The following EXOC6B variants were observed in gnomAD, a reference collection of about 807,000 sequenced individuals.
EXOC6B encodes the protein SEC15 homolog B.
A neutral mutation model predicts 113.5 loss-of-function variants in EXOC6B; 54 were observed. The observed-to-expected ratio is 0.48, with a 90% CI of 0.38 to 0.60. The LOEUF (loss-of-function observed/expected upper bound fraction) is 0.60. Among genes scored for constraint, EXOC6B ranks in the 20% least tolerant of loss-of-function variants. The pLI, the probability that EXOC6B is intolerant of heterozygous loss-of-function variation, is 0.00. For missense variants in EXOC6B, 797 were observed against 977.5 expected (o/e 0.82, Z 2.46); for synonymous variants, 357 against 339.0 (o/e 1.05, Z -0.58).
chr2:72,250,254 T>C (rs1573089161), intron 20 of EXOC6B, among the ~76,000 whole-genome samples: 1 of 152,298 alleles, frequency 6.6e-6, no homozygotes, highest in East Asian at 1.9e-4. Flanking sequence ...TATTGCTTGG[T>C]TGGAGCCTCT....
intron 6 of EXOC6B, among the ~76,000 whole-genome samples, chr2:72,608,174 A>T (rs969263438): frequency 2.0e-5 from 3 of 152,132 alleles, no homozygotes; most frequent in African/African-American, 4.8e-5. Flanking sequence ...ATGAGAATGG[A>T]GCATTAATAT....
At chr2:72,506,082 T>C (rs1361561807) in intron 11 of EXOC6B, among the ~76,000 whole-genome samples, 1 of 152,132 alleles carries the variant, frequency 6.6e-6, no homozygotes, top group Non-Finnish European at 1.5e-5. Context: ...GATCTATATT[T>C]ATGCATTTAC....
intron 20 of EXOC6B, among the ~76,000 whole-genome samples, chr2:72,283,788 G>A (rs1049872200): frequency 2.6e-5 from 4 of 152,156 alleles, no homozygotes; most frequent in African/African-American, 7.2e-5. Flanking sequence ...AACTGACCTG[G>A]GGGAGGGGAA....
chr2:72,659,887 A>T (rs1674881446), intron 6 of EXOC6B, among the ~76,000 whole-genome samples: 1 of 152,146 alleles, frequency 6.6e-6, no homozygotes, highest in East Asian at 1.9e-4. Context: ...TTTGTTGTGC[A>T]TATGCCAATG....
intron 20 of EXOC6B, among the ~76,000 whole-genome samples, chr2:72,250,554 G>A (rs1459120321): frequency 6.6e-6 from 1 of 151,780 alleles, no homozygotes; most frequent in Admixed American, 6.6e-5. Flanking sequence ...ATGTTGCCCA[G>A]GCTGGTCTTG....
At chr2:72,319,288 T>C (rs1223645899) in intron 20 of EXOC6B, among the ~76,000 whole-genome samples, 1 of 152,018 alleles carries the variant, frequency 6.6e-6, no homozygotes, top group Non-Finnish European at 1.5e-5. Flanking sequence ...CTTATACCCA[T>C]CATCATATTT....
chr2:72,210,571 G>C (rs540796538), intron 20 of EXOC6B, among the ~76,000 whole-genome samples: 7 of 152,330 alleles, frequency 4.6e-5, no homozygotes, highest in Non-Finnish European at 8.8e-5. Context: ...TAAGGGACTA[G>C]GTGTTTTCCA....
At chr2:72,679,859 T>C (rs921377371) in intron 6 of EXOC6B, among the ~76,000 whole-genome samples, 1 of 152,170 alleles carries the variant, frequency 6.6e-6, no homozygotes, top group Non-Finnish European at 1.5e-5. Flanking sequence ...GCTGCACGGA[T>C]TAGAGGTTAA....
intron 20 of EXOC6B, among the ~76,000 whole-genome samples, chr2:72,324,683 A>G (rs1688027005): frequency 6.6e-6 from 1 of 152,184 alleles, no homozygotes; most frequent in African/African-American, 2.4e-5. Flanking sequence ...ATAATTTGCC[A>G]AATGTCACAG....
At chr2:72,488,455 C>T (rs996239431) in intron 16 of EXOC6B, among the ~76,000 whole-genome samples, 4 of 152,078 alleles carry the variant, frequency 2.6e-5, no homozygotes, top group African/African-American at 7.2e-5. Context: ...AATTCATATA[C>T]ACAACTGCTT....
chr2:72,392,317 G>A (rs1195807843), intron 18 of EXOC6B, among the ~76,000 whole-genome samples: 3 of 152,252 alleles, frequency 2.0e-5, no homozygotes, highest in Non-Finnish European at 4.4e-5. Context: ...CATGCCTCTG[G>A]GTCCTGTTGC....
At chr2:72,245,386 G>A (rs990781330) in intron 20 of EXOC6B, among the ~76,000 whole-genome samples, 3 of 151,676 alleles carry the variant, frequency 2.0e-5, no homozygotes, top group Non-Finnish European at 4.4e-5. Context: ...TTTAATAAGA[G>A]TCTTTTCAGC....
chr2:72,646,704 T>C (rs891664226), intron 6 of EXOC6B, among the ~76,000 whole-genome samples: 1 of 152,096 alleles, frequency 6.6e-6, no homozygotes, highest in Non-Finnish European at 1.5e-5. Context: ...AAAAACCACA[T>C]GATTATCTCA....
At chr2:72,670,323 T>C (rs1031293035) in intron 6 of EXOC6B, among the ~76,000 whole-genome samples, 1 of 152,178 alleles carries the variant, frequency 6.6e-6, no homozygotes, top group African/African-American at 2.4e-5. Flanking sequence ...GTAGATATAT[T>C]ATTAATAGCT....
At chr2:72,181,175 C>T (rs1678059971) in intron 21 of EXOC6B, among the ~76,000 whole-genome samples, 1 of 142,850 alleles carries the variant, frequency 7.0e-6, no homozygotes, top group African/African-American at 2.8e-5. Flanking sequence ...CACCACTGCA[C>T]TCCAGTCTGG....
intron 1 of EXOC6B, among the ~76,000 whole-genome samples, chr2:72,754,668 A>T (rs1682289675): frequency 6.7e-6 from 1 of 150,094 alleles, no homozygotes; most frequent in Non-Finnish European, 1.5e-5. Flanking sequence ...GCTGGAGCAC[A>T]GTGGCACAAT....
intron 8 of EXOC6B, among the ~76,000 whole-genome samples, chr2:72,516,188 A>G (rs1049066684): frequency 6.6e-6 from 1 of 152,188 alleles, no homozygotes; most frequent in Non-Finnish European, 1.5e-5. Context: ...GGAAATGAAT[A>G]CAAACTCAGT....
At chr2:72,670,863 A>G (rs537602448) in intron 6 of EXOC6B, among the ~76,000 whole-genome samples, 1 of 152,226 alleles carries the variant, frequency 6.6e-6, no homozygotes, top group South Asian at 2.1e-4. Context: ...CTCTACTGAC[A>G]CTTATTTTCT....
At chr2:72,270,051 C>T (rs1160436099) in intron 20 of EXOC6B, among the ~76,000 whole-genome samples, 1 of 152,034 alleles carries the variant, frequency 6.6e-6, no homozygotes, top group Non-Finnish European at 1.5e-5. Flanking sequence ...TGCCCCAACC[C>T]CTCATATCTT....
Sources: allele counts gnomAD v4.1 joint callset (sites outside exome capture counted in the v4.1 genomes callset), GRCh38; gene constraint gnomAD v4.1.1; transcripts MANE v1.5; gene names NCBI Gene and HGNC (gene_info 2026-07-23, HGNC 2026-07-21).